Variants in CLVS1 observed in about 807,000 individuals in gnomAD.
CLVS1 encodes the protein clavesin 1, also known as clavesin-1.
A neutral mutation model predicts 33.1 loss-of-function variants in CLVS1; 10 were observed. That is an observed-to-expected ratio of 0.30 (90% confidence interval 0.19 to 0.51). The LOEUF is 0.51. Among genes scored for constraint, CLVS1 ranks in the 20% least tolerant of loss-of-function variants. The pLI is 0.97. For missense variants in CLVS1, 343 were observed against 433.4 expected, an observed-to-expected ratio of 0.79 and a Z score of 1.85; for synonymous variants, 163 against 166.1, an observed-to-expected ratio of 0.98 and a Z score of 0.14.
At chr8:61,062,031 T>C (rs1416595845) in intron 1 of CLVS1, among the ~76,000 whole-genome samples, 1 of 152,152 alleles carries the variant, frequency 6.6e-6, no homozygotes, top group Non-Finnish European at 1.5e-5. Flanking sequence ...TTTCAAAAGA[T>C]GCAGTGAAAA....
intron 2 of CLVS1, among the ~76,000 whole-genome samples, chr8:61,152,884 T>C (rs1043019865): frequency 6.6e-6 from 1 of 152,046 alleles, no homozygotes; most frequent in Non-Finnish European, 1.5e-5. Context: ...GAGTAGTAGA[T>C]TAGGAATAGG....
At chr8:61,243,144 T>C (rs1176515492) in intron 2 of CLVS1, among the ~76,000 whole-genome samples, 1 of 152,218 alleles carries the variant, frequency 6.6e-6, no homozygotes, top group Non-Finnish European at 1.5e-5. Context: ...TTAATTTGGA[T>C]AGACTTATAT....
At chr8:61,399,321 C>T (rs1020593885) in intron 3 of CLVS1, among the ~76,000 whole-genome samples, 4 of 151,904 alleles carry the variant, frequency 2.6e-5, no homozygotes, top group Non-Finnish European at 5.9e-5. Flanking sequence ...TGTTTGTTGG[C>T]CACATGTATG....
At chr8:61,443,988 C>T (rs949320033) in intron 3 of CLVS1, among the ~76,000 whole-genome samples, 2 of 151,920 alleles carry the variant, frequency 1.3e-5, no homozygotes, top group African/African-American at 4.8e-5. Context: ...ATATTTTGAG[C>T]AATTATATAT....
chr8:61,229,980 C>A lies in CLVS1; in HGVS notation c.-151-69697C>A, dbSNP rs184038259. Among the ~76,000 whole-genome samples the A allele has an allele frequency of 3.6e-3, 547 of 152,266 alleles. 5 individuals carry two copies. The highest frequency in any genetic ancestry group is 0.012 in the African/African-American group (501 of 41,550). On this transcript the variant is annotated intron_variant, in intron 2 of 2. Coordinates refer to the CLVS1 transcript ENST00000522621. ...CTAGAGTACTCTTATTTGACGTTCA[C>A]ATCAGCTAGGAGAAAAATGCTGAGC...
At position 61,211,018 on chromosome 8, in the gene CLVS1, A is replaced by G. The variant is rs75086613; in HGVS notation, c.-152+79158A>G. ...GAAGAGAGCAAGGGGAGAGTAAAGT[A>G]GAGGAAAGCCAAAGGGATGGAGGGC... On this transcript the variant is annotated intron_variant, in intron 2 of 2. Transcript: ENST00000522621. 1.6e-3 allele frequency among the ~76,000 whole-genome samples: 248 copies of G among 152,270 alleles called. 1 individual carries two copies. Among genetic ancestry groups the G allele is most frequent in the African/African-American group, 5.7e-3 (238 of 41,544 alleles).
the CLVS1 span, among the ~76,000 whole-genome samples, chr8:61,015,601 T>C: frequency 6.6e-6 from 1 of 152,192 alleles, no homozygotes; most frequent in Non-Finnish European, 1.5e-5. Flanking sequence ...CTTAGATTTC[T>C]GGAAGAGCTT....
At chr8:61,452,797 C>G (rs1164687319) in intron 3 of CLVS1, among the ~76,000 whole-genome samples, 1 of 152,182 alleles carries the variant, frequency 6.6e-6, no homozygotes, top group Non-Finnish European at 1.5e-5. Context: ...TATTTAGCAC[C>G]TTTCTACTCT....
chr8:61,423,191 TG>T (rs775202660), intron 3 of CLVS1, among the ~76,000 whole-genome samples: 1 of 152,040 alleles, frequency 6.6e-6, no homozygotes, highest in Non-Finnish European at 1.5e-5. Flanking sequence ...CCTCAACCCC[TG>T]GGCTTTTTCC....
intron 2 of CLVS1, among the ~76,000 whole-genome samples, chr8:61,312,409 T>C (rs1810861069): frequency 6.6e-6 from 1 of 152,234 alleles, no homozygotes; most frequent in South Asian, 2.1e-4. Context: ...GCCACTATCC[T>C]GCAAAATATA....
intron 2 of CLVS1, among the ~76,000 whole-genome samples, chr8:61,140,355 T>G (rs370731790): frequency 6.6e-6 from 1 of 152,150 alleles, no homozygotes; most frequent in Non-Finnish European, 1.5e-5. Flanking sequence ...TCTCATTTGA[T>G]GATCATGAAG....
intron 2 of CLVS1, among the ~76,000 whole-genome samples, chr8:61,205,426 G>A (rs1807820038): frequency 6.6e-6 from 1 of 152,218 alleles, no homozygotes; most frequent in Admixed American, 6.5e-5. Flanking sequence ...GAATGTTGCA[G>A]CATGTGTCAG....
At chr8:61,068,293 A>G (rs1024420897) in intron 1 of CLVS1, among the ~76,000 whole-genome samples, 3 of 149,920 alleles carry the variant, frequency 2.0e-5, no homozygotes, top group African/African-American at 7.4e-5. Flanking sequence ...AAAAGCTACC[A>G]CTTCAGAATC....
chr8:61,448,444 C>T (rs969905156), intron 3 of CLVS1, among the ~76,000 whole-genome samples: 24 of 152,250 alleles, frequency 1.6e-4, no homozygotes, highest in African/African-American at 5.3e-4. Context: ...TCTATTTTCT[C>T]TCTGTAGTTC....
intron 1 of CLVS1, among the ~76,000 whole-genome samples, 151 bp from the exon 2 acceptor site, chr8:61,299,526 T>G (rs1269569485): frequency 6.6e-6 from 1 of 152,224 alleles, no homozygotes; most frequent in Non-Finnish European, 1.5e-5. Flanking sequence ...TACTCCATTT[T>G]AAGGATAATT....
At chr8:61,359,638 G>A (rs532144817) in intron 2 of CLVS1, among the ~76,000 whole-genome samples, 9 of 152,316 alleles carry the variant, frequency 5.9e-5, no homozygotes, top group African/African-American at 2.2e-4. Context: ...TTACAGGTGT[G>A]AGCCACCATG....
intron 3 of CLVS1, 157 bp downstream of exon 3, chr8:61,376,936 A>T: frequency 1.7e-6 from 1 of 581,936 alleles, no homozygotes; most frequent in Non-Finnish European, 2.8e-6. Flanking sequence ...CCAGAGTTTT[A>T]GATGCTTTTT....
chr8:61,065,283 T>C (rs1011284230), intron 1 of CLVS1, among the ~76,000 whole-genome samples: 2 of 152,364 alleles, frequency 1.3e-5, no homozygotes, highest in East Asian at 3.9e-4. Context: ...TTGTATTTTC[T>C]AGGGAAAAAT....
upstream of CLVS1, among the ~76,000 whole-genome samples, chr8:61,287,528 T>C (rs1809813150): frequency 6.6e-6 from 1 of 152,222 alleles, no homozygotes; most frequent in Non-Finnish European, 1.5e-5. Flanking sequence ...AGAAAACCTT[T>C]CCTATCCTGA....
Sources: allele counts gnomAD v4.1 joint callset (sites outside exome capture counted in the v4.1 genomes callset), GRCh38; gene constraint gnomAD v4.1.1; transcripts MANE v1.5; gene names NCBI Gene and HGNC (gene_info 2026-07-23, HGNC 2026-07-21).